Variants in KCNQ1 observed in about 807,000 individuals in gnomAD.
KCNQ1 encodes the protein potassium voltage-gated channel subfamily Q member 1, also known as potassium voltage-gated channel subfamily KQT member 1.
A neutral mutation model predicts 72.4 loss-of-function variants in KCNQ1; 49 were observed. That is an observed-to-expected ratio of 0.68 (90% CI 0.54 to 0.86). The LOEUF (loss-of-function observed/expected upper bound fraction) is 0.86. KCNQ1 is among the 40% of genes least tolerant of loss of function. The pLI, the probability that KCNQ1 is intolerant of heterozygous loss-of-function variation, is 0.00. For synonymous variants in KCNQ1, 450 were observed against 412.6 expected (o/e 1.09, Z -1.10); for missense variants, 790 against 945.1 (o/e 0.84, Z 2.15).
At chr11:2,461,709 C>A in intron 1 of KCNQ1, 1 of 1,366,976 alleles carries the variant, frequency 7.3e-7, no homozygotes, top group South Asian at 1.1e-5. Context: ...CGGGGCCTGG[C>A]ATGGAGTAGG....
At chr11:2,793,826 G>A (rs568845327) in intron 15 of KCNQ1, among the ~76,000 whole-genome samples, 1 of 152,306 alleles carries the variant, frequency 6.6e-6, no homozygotes, top group South Asian at 2.1e-4. Flanking sequence ...AGAATGTACA[G>A]CCCCATGGCT....
intron 11 of KCNQ1, chr11:2,667,092 A>C: frequency 2.5e-6 from 1 of 398,634 alleles, no homozygotes; most frequent in Non-Finnish European, 4.4e-6. Context: ...TGTTCTTCTA[A>C]TTAAATTAAA....
intron 1 of KCNQ1, among the ~76,000 whole-genome samples, chr11:2,503,555 G>T (rs1372838256): frequency 2.0e-5 from 3 of 147,142 alleles, no homozygotes; most frequent in African/African-American, 7.5e-5. Context: ...TGGGGGGAGG[G>T]GGGAGGGATA....
intron 11 of KCNQ1, chr11:2,694,969 AAAG>A (rs745941248): frequency 1.3e-4 from 50 of 398,618 alleles, no homozygotes; most frequent in Non-Finnish European, 1.8e-4. Flanking sequence ...CAGATTTAAC[AAAG>A]AAGAAGAAGG....
Position 2,450,463 on chromosome 11 carries a change from A to C in KCNQ1, c.386+4979A>C, listed in dbSNP as rs1055804140. ...CCTGGGCCACTTTGACCCAGACCCC[A>C]AGGATTTGGTTACAGAGGGGAGGGC... On this transcript the variant is annotated intron_variant, in intron 1 of 15. Transcript: ENST00000155840. This position sits in a 1 kb window ranked among gnomAD's most constrained non-coding sequence, Gnocchi z 7.9. Among the ~76,000 whole-genome samples the C allele has an allele frequency of 6.6e-6, 1 of 152,032 alleles. No individual in the cohort carries two copies. The highest frequency in any genetic ancestry group is 2.4e-5 in the African/African-American group (1 of 41,408).
In KCNQ1 at chr11:2,491,098, A is replaced by G. The variant is rs1846830283; in HGVS notation, c.387-36830A>G. ...AGATACGGCTTAGATCACAACACCC[A>G]AGTCCCTTTGAATACCTGGAAAGCT... On this transcript the variant is annotated intron_variant, in intron 1 of 15. Coordinates refer to ENST00000155840, the MANE Select transcript of KCNQ1 (RefSeq NM_000218.3). This position sits in a 1 kb window ranked among gnomAD's most constrained non-coding sequence, Gnocchi z 4.1. 6.6e-6 allele frequency among the ~76,000 whole-genome samples: 1 copy of G among 152,224 alleles called. No homozygotes were observed. Among genetic ancestry groups the G allele is most frequent in the African/African-American group, 2.4e-5 (1 of 41,450 alleles).
In KCNQ1 at chr11:2,654,135, G is replaced by A. The variant is rs1849800029; in HGVS notation, c.1394-7826G>A. Reference sequence around the variant, plus strand: ...ACACAGGTGGTGGCGGGGCCACTCTGGCTCAGGGTCTATGAGCCGGGCATG... The same window carrying A: ...ACACAGGTGGTGGCGGGGCCACTCTAGCTCAGGGTCTATGAGCCGGGCATG... On this transcript the variant is annotated intron_variant, in intron 10 of 15. Transcript: ENST00000155840. The surrounding 1 kb of genome is among the most constrained non-coding windows in gnomAD (Gnocchi z 6.4). 1 of 398,392 alleles carries A rather than the reference G, an allele frequency of 2.5e-6. No individual in the cohort carries two copies. Among genetic ancestry groups the A allele is most frequent in the Admixed American group, 4.4e-5 (1 of 22,720 alleles). 24.7% of individuals were successfully genotyped at this position (398,392 alleles called of 1,614,324 possible).
intron 1 of KCNQ1, among the ~76,000 whole-genome samples, chr11:2,469,118 CG>C (rs1846400541): frequency 6.6e-6 from 1 of 152,176 alleles, no homozygotes; most frequent in Non-Finnish European, 1.5e-5. Flanking sequence ...ACAGGTGTGT[CG>C]GGGCCCTCCC....
At chr11:2,587,470 G>A (rs1385542482) in intron 8 of KCNQ1, 100 bp from the exon 9 acceptor site, 6 of 1,550,324 alleles carry the variant, frequency 3.9e-6, no homozygotes, top group Middle Eastern at 1.8e-4. Flanking sequence ...CAGAGGGGAG[G>A]GGCCAGGCCT....
rs1255476377 is a variant in KCNQ1 at position 2,783,508 on chromosome 11, GTTTTTATC to G, written c.1794+5473_1794+5480del. On this transcript the variant is annotated intron_variant, in intron 15 of 15. Transcript: ENST00000155840. This position sits in a 1 kb window ranked among gnomAD's most constrained non-coding sequence, Gnocchi z 5.2. ...AAATCTTCTATATTCTCATTGGAAT[GTTTTTATC>G]TGCTTGATCTATTATTACTGAGAAG... 6.6e-6 allele frequency among the ~76,000 whole-genome samples: 1 copy of G among 152,090 alleles called. No homozygotes were observed. Among genetic ancestry groups the G allele is most frequent in the African/African-American group, 2.4e-5 (1 of 41,450 alleles).
At chr11:2,506,493 T>C (rs751178322) in intron 1 of KCNQ1, among the ~76,000 whole-genome samples, 2 of 152,234 alleles carry the variant, frequency 1.3e-5, no homozygotes, top group Non-Finnish European at 2.9e-5. Context: ...TGTGCAATGA[T>C]AAATAATGTT....
intron 11 of KCNQ1, among the ~76,000 whole-genome samples, chr11:2,754,554 G>C (rs992199805): frequency 6.6e-5 from 10 of 152,230 alleles, no homozygotes; most frequent in Non-Finnish European, 1.2e-4. Context: ...CAGTGGACAA[G>C]ACAGAGAGCC....
In KCNQ1 at chr11:2,647,908, C is replaced by T. The variant is rs555758192; in HGVS notation, c.1394-14053C>T. ...GTCTAGCTAATGGTTTATTGATTTTCTCTTTTCAAAAAATCAGTTTTTTGG... is the reference window on the plus strand; with the variant it reads ...GTCTAGCTAATGGTTTATTGATTTTTTCTTTTCAAAAAATCAGTTTTTTGG... On this transcript the variant is annotated intron_variant, in intron 10 of 15. Coordinates refer to ENST00000155840, the MANE Select transcript of KCNQ1 (RefSeq NM_000218.3). This position sits in a 1 kb window ranked among gnomAD's most constrained non-coding sequence, Gnocchi z 4.0. 2.5e-6 allele frequency: 1 copy of T among 398,238 alleles called. No individual in the cohort carries two copies. Among genetic ancestry groups the T allele is most frequent in the Non-Finnish European group, 4.4e-6 (1 of 225,978 alleles). The allele number at this position is 398,238 out of a possible 1,614,324, so 24.7% of individuals were successfully genotyped here.
At chr11:2,791,946 C>T (rs575890444) in intron 15 of KCNQ1, among the ~76,000 whole-genome samples, 2 of 152,352 alleles carry the variant, frequency 1.3e-5, no homozygotes, top group East Asian at 3.9e-4. Context: ...GCGCGAACAG[C>T]CTTTCGTTGC....
chr11:2,510,142 G>T (rs1847174814), intron 1 of KCNQ1, among the ~76,000 whole-genome samples: 1 of 152,008 alleles, frequency 6.6e-6, no homozygotes, highest in Non-Finnish European at 1.5e-5. Context: ...AGCTGGGTGT[G>T]CTGGCACATA....
intron 15 of KCNQ1, among the ~76,000 whole-genome samples, chr11:2,795,630 A>G (rs572173808): frequency 1.1e-4 from 17 of 152,300 alleles, no homozygotes; most frequent in Admixed American, 1.1e-3. Flanking sequence ...TAGAAATCAG[A>G]AGCCCGCCCC....
rs1256121655 is a variant in KCNQ1, at chr11:2,809,752, A to G, written c.1794+31715A>G. ...CTCCAGGCCAGAGCCCTTCTCTCAAATCCCCTTTGGTTCTAGCCATGTTTC... is the reference window on the plus strand; with the variant it reads ...CTCCAGGCCAGAGCCCTTCTCTCAAGTCCCCTTTGGTTCTAGCCATGTTTC... On this transcript the variant is annotated intron_variant, in intron 15 of 15. Transcript: ENST00000155840. The surrounding 1 kb of genome is among the most constrained non-coding windows in gnomAD (Gnocchi z 7.1). Among the ~76,000 whole-genome samples, 1 of 151,826 alleles carries G rather than the reference A, an allele frequency of 6.6e-6. No individual in the cohort carries two copies. Among genetic ancestry groups the G allele is most frequent in the African/African-American group, 2.4e-5 (1 of 41,292 alleles).
In KCNQ1 at chr11:2,483,267, GACA is replaced by G. The variant is rs1464372097; in HGVS notation, c.386+37787_386+37789del. Among the ~76,000 whole-genome samples, 1 of 152,098 alleles carries G rather than the reference GACA, an allele frequency of 6.6e-6. No individual in the cohort carries two copies. Among genetic ancestry groups the G allele is most frequent in the Non-Finnish European group, 1.5e-5 (1 of 68,008 alleles). On this transcript the variant is annotated intron_variant, in intron 1 of 15. Coordinates refer to ENST00000155840, the MANE Select transcript of KCNQ1 (RefSeq NM_000218.3). This position sits in a 1 kb window ranked among gnomAD's most constrained non-coding sequence, Gnocchi z 6.1. Reference sequence around the variant, plus strand: ...AATGCGGGGGGTGTGAGTGATGAGGGACAACATCAGTCCTCTCTTGGCTTCTGT... The same window carrying G: ...AATGCGGGGGGTGTGAGTGATGAGGGACATCAGTCCTCTCTTGGCTTCTGT...
chr11:2,618,236 G>A (rs563743131), intron 10 of KCNQ1: 1 of 398,374 alleles, frequency 2.5e-6, no homozygotes, highest in Non-Finnish European at 4.4e-6. Context: ...TTGGCTTCCC[G>A]GGGCCACACT....
Sources: allele counts gnomAD v4.1 joint callset (sites outside exome capture counted in the v4.1 genomes callset), GRCh38; gene constraint gnomAD v4.1.1; non-coding constraint Gnocchi (gnomAD v3.1); transcripts MANE v1.5; gene names NCBI Gene and HGNC (gene_info 2026-07-23, HGNC 2026-07-21).